The following SNX4 variants were observed in gnomAD, a reference collection of about 807,000 sequenced individuals.
SNX4 encodes the protein sorting nexin-4.
SNX4 carries 49 observed loss-of-function variants against 70.8 expected under a neutral mutation model. That is an observed-to-expected ratio of 0.69 (90% confidence interval 0.55 to 0.88). The LOEUF is 0.88. SNX4 is among the 40% of genes least tolerant of loss of function. The probability of loss-of-function intolerance (pLI) is 0.00; values close to 1 mark genes in which losing one functional copy is unlikely to be tolerated. For synonymous variants in SNX4, 206 were observed against 183.8 expected (o/e 1.12, Z -0.98); for missense variants, 528 against 544.8 (o/e 0.97, Z 0.31).
chr3:125,479,576 A>ATAC (rs979818878), intron 7 of SNX4, among the ~76,000 whole-genome samples: 2 of 151,896 alleles, frequency 1.3e-5, no homozygotes, highest in African/African-American at 4.8e-5. Context: ...AATAATAATA[A>ATAC]TAATAACAAC....
chr3:125,517,739 G>A (rs1935312996), intron 1 of SNX4, among the ~76,000 whole-genome samples: 1 of 152,216 alleles, frequency 6.6e-6, no homozygotes, highest in Non-Finnish European at 1.5e-5. Context: ...ACTTTAGGAG[G>A]CTGAGGCAGG....
At chr3:125,464,793 A>G (rs1463149114) in intron 9 of SNX4, among the ~76,000 whole-genome samples, 1 of 151,984 alleles carries the variant, frequency 6.6e-6, no homozygotes, top group African/African-American at 2.4e-5. Flanking sequence ...CCCAGGTTGG[A>G]GTGCAGTGGT....
At chr3:125,485,124 T>C (rs562909543) in intron 6 of SNX4, among the ~76,000 whole-genome samples, 5 of 151,990 alleles carry the variant, frequency 3.3e-5, no homozygotes, top group African/African-American at 7.2e-5. Flanking sequence ...CACTTGCCTA[T>C]AGTCCCAGTT....
intron 8 of SNX4, among the ~76,000 whole-genome samples, chr3:125,469,736 C>T (rs569802720): frequency 4.6e-5 from 7 of 151,008 alleles, no homozygotes; most frequent in East Asian, 1.9e-4. Context: ...TGCTGCTAAG[C>T]GGAAGGTAAG....
At chr3:125,494,792 TA>T (rs1288498382) in intron 5 of SNX4, among the ~76,000 whole-genome samples, 1 of 152,060 alleles carries the variant, frequency 6.6e-6, no homozygotes, top group Non-Finnish European at 1.5e-5. Context: ...GGCCTCCAGT[TA>T]ACCATTACAA....
chr3:125,495,962 A>G (rs942917048), intron 5 of SNX4, among the ~76,000 whole-genome samples: 3 of 152,176 alleles, frequency 2.0e-5, no homozygotes, highest in Non-Finnish European at 2.9e-5. Flanking sequence ...TTATAAAGTG[A>G]TGAATTACAG....
chr3:125,474,266 T>A (rs903017163), intron 8 of SNX4, among the ~76,000 whole-genome samples: 7 of 152,186 alleles, frequency 4.6e-5, no homozygotes, highest in African/African-American at 1.7e-4. Context: ...CTCAACCACC[T>A]CTGGTCTTTC....
chr3:125,513,408 A>G (rs1177513390), intron 1 of SNX4, among the ~76,000 whole-genome samples: 1 of 152,186 alleles, frequency 6.6e-6, no homozygotes, highest in Non-Finnish European at 1.5e-5. Flanking sequence ...ACAGACTAAG[A>G]CAGTACCTAA....
intron 7 of SNX4, among the ~76,000 whole-genome samples, chr3:125,477,557 G>A (rs971604671): frequency 1.3e-5 from 2 of 152,138 alleles, no homozygotes; most frequent in African/African-American, 4.8e-5. Flanking sequence ...CAGTTTCTAA[G>A]TATAAGCTCT....
At chr3:125,474,947 T>C in intron 8 of SNX4, among the ~76,000 whole-genome samples, 1 of 152,198 alleles carries the variant, frequency 6.6e-6, no homozygotes, top group East Asian at 1.9e-4. Flanking sequence ...TAGAGATGAC[T>C]TGTGCATAAA....
Position 125,467,578 on chromosome 3 carries a change from T to A in SNX4, c.854+1876A>T, listed in dbSNP as rs188131194. Among the ~76,000 whole-genome samples, 429 of 152,246 alleles carry A rather than the reference T, an allele frequency of 2.8e-3. 2 individuals carry two copies. Among genetic ancestry groups the A allele is most frequent in the Non-Finnish European group, 3.1e-3 (212 of 68,018 alleles). On this transcript the variant is annotated intron_variant, in intron 9 of 13. Coordinates refer to ENST00000251775, the MANE Select transcript of SNX4 (RefSeq NM_003794.4). The stretch of plus-strand genomic sequence containing the variant: ...AGTCAGAATGGTTATTATTATTATT[T>A]TTTTTAACTTAAATAACAGAGACTT...
intron 8 of SNX4, among the ~76,000 whole-genome samples, chr3:125,472,957 A>G: frequency 6.6e-6 from 1 of 152,040 alleles, no homozygotes; most frequent in Non-Finnish European, 1.5e-5. Context: ...CCTCTTCTCA[A>G]AAAAGTCTTA....
chr3:125,520,087 G>A lies in SNX4; in HGVS notation c.86C>T (p.Ala29Val). 6.5e-7 allele frequency: 1 copy of A among 1,534,948 alleles called. No homozygotes were observed. The highest frequency in any genetic ancestry group is 8.7e-7 in the Non-Finnish European group (1 of 1,144,946). The stretch of plus-strand genomic sequence containing the variant: ...CCCCTCCGCTTCCTTGCCGACCGCA[G>A]CCCCCAGCCCAGCGTCTGGGGAGCC... ...PLGSPDAGLG[A>V]AVGKEAEGAG... is the part of the protein sequence containing the mutation. Residue 29 changes from alanine (A) to valine (V), a missense_variant, in exon 1 of 14, where the codon GCT becomes GTT. Around this residue, in one of 3 missense-constraint regions of SNX4, gnomAD observed 341 missense variants for 312.2 expected, o/e 1.09. Transcript: ENST00000251775.
intron 1 of SNX4, among the ~76,000 whole-genome samples, chr3:125,508,558 C>G (rs1416672517): frequency 1.4e-5 from 2 of 147,758 alleles, no homozygotes; most frequent in Non-Finnish European, 3.0e-5. Flanking sequence ...CAGAGCGAGA[C>G]TCTGTCTCAA....
chr3:125,454,390 G>C (rs768400673), intron 11 of SNX4, among the ~76,000 whole-genome samples: 4 of 152,182 alleles, frequency 2.6e-5, no homozygotes, highest in African/African-American at 9.7e-5. Context: ...TCCAGGTTGT[G>C]TGTTCCTTGT....
chr3:125,451,720 G>A (rs762053259), intron 12 of SNX4, among the ~76,000 whole-genome samples: 5 of 151,878 alleles, frequency 3.3e-5, no homozygotes, highest in Non-Finnish European at 5.9e-5. Context: ...TCTGCATTCC[G>A]GGTTTGAGCA....
At chr3:125,454,085 G>A (rs908454590) in intron 11 of SNX4, 130 bp from the exon 12 acceptor site, 1 of 694,778 alleles carries the variant, frequency 1.4e-6, no homozygotes, top group South Asian at 2.0e-5. Flanking sequence ...AAACCTGCAG[G>A]ACATTATGCT....
At chr3:125,465,797 C>T (rs1933996572) in intron 9 of SNX4, among the ~76,000 whole-genome samples, 1 of 152,102 alleles carries the variant, frequency 6.6e-6, no homozygotes, top group South Asian at 2.1e-4. Flanking sequence ...CATGCGCCAC[C>T]ACACCCGGCT....
Position 125,504,644 on chromosome 3 carries a change from G to A in SNX4, c.242C>T (p.Thr81Ile). The A allele has an allele frequency of 6.2e-7, 1 of 1,613,992 alleles. No individual in the cohort carries two copies. The highest frequency in any genetic ancestry group is 8.5e-7 in the Non-Finnish European group (1 of 1,179,944). ...RNAMNMQETY[T>I]AYLIETRSVE... Reference sequence around the variant, plus strand: ...CCACCTTGTTTCAATGAGGTAAGCAGTATATGTTTCTTGCATGTTCATGGC... The same window carrying A: ...CCACCTTGTTTCAATGAGGTAAGCAATATATGTTTCTTGCATGTTCATGGC... Residue 81 changes from threonine (T) to isoleucine (I), a missense_variant, in exon 2 of 14, where the codon ACT becomes ATT. Physicochemically the swap from Thr to Ile is moderately conservative, Grantham distance 89. This residue lies in a region of SNX4 where 341 missense variants were observed against 312.2 expected (regional missense o/e 1.09). Coordinates refer to ENST00000251775, the MANE Select transcript of SNX4 (RefSeq NM_003794.4).
Sources: gnomAD v4.1 joint callset for allele counts (sites outside exome capture counted in the v4.1 genomes callset) on GRCh38, gnomAD v4.1.1 for gene constraint, gnomAD v4.1.1 regional missense constraint, MANE v1.5 for transcripts, NCBI Gene and HGNC (gene_info 2026-07-23, HGNC 2026-07-21) for gene names.